CABCOCO1: variants seen among roughly 807,000 people sequenced by gnomAD.
The protein encoded by CABCOCO1 is ciliary associated calcium binding coiled-coil 1.
In CABCOCO1, 28 loss-of-function variants were observed where a neutral mutation model predicts 35.7. The observed-to-expected ratio is 0.78, with a 90% confidence interval of 0.58 to 1.07. The LOEUF (loss-of-function observed/expected upper bound fraction) is 1.07. CABCOCO1 is among the 50% of genes least tolerant of loss of function. The probability of loss-of-function intolerance (pLI) is 0.00; values close to 1 mark genes in which losing one functional copy is unlikely to be tolerated. For missense variants in CABCOCO1, 326 were observed against 309.2 expected (o/e 1.05, Z -0.41); for synonymous variants, 95 against 100.1 (o/e 0.95, Z 0.30).
chr10:61,683,165 A>G (rs1435576183), intron 3 of CABCOCO1, among the ~76,000 whole-genome samples: 2 of 152,150 alleles, frequency 1.3e-5, no homozygotes, highest in Admixed American at 6.5e-5. Flanking sequence ...TGCTAGGATT[A>G]CAGGCATTAG....
intron 5 of CABCOCO1, among the ~76,000 whole-genome samples, chr10:61,751,634 A>G (rs1163837250): frequency 2.0e-5 from 3 of 151,650 alleles, no homozygotes; most frequent in Non-Finnish European, 4.4e-5. Context: ...ATTCTTCTAC[A>G]TCGTGACTGA....
chr10:61,761,044 G>T lies in CABCOCO1; in HGVS notation c.816+41G>T, dbSNP rs775604090. 3.1e-6 allele frequency: 5 copies of T among 1,596,054 alleles called. 1 individual carries two copies. In the South Asian group the frequency reaches 4.5e-5, roughly 14 times the overall value. On this transcript the variant is annotated intron_variant, in intron 7 of 7. Transcript: ENST00000648843. ...AGTATGCTCACTTACTTTATTACTG[G>T]TTAATTAGCCAACCTTAACTTTAAT...
intron 5 of CABCOCO1, among the ~76,000 whole-genome samples, chr10:61,722,938 T>C (rs1168715452): frequency 6.6e-6 from 1 of 152,224 alleles, no homozygotes; most frequent in African/African-American, 2.4e-5. Flanking sequence ...CTTCAAATAA[T>C]TGATAATTGA....
At chr10:61,752,993 C>T (rs1841822479) in intron 5 of CABCOCO1, among the ~76,000 whole-genome samples, 1 of 152,088 alleles carries the variant, frequency 6.6e-6, no homozygotes, top group South Asian at 2.1e-4. Context: ...AAGAAAGACT[C>T]GAACCAAGGA....
At chr10:61,667,368 A>C (rs1184921234) in intron 1 of CABCOCO1, among the ~76,000 whole-genome samples, 1 of 151,034 alleles carries the variant, frequency 6.6e-6, no homozygotes, top group African/African-American at 2.4e-5. Context: ...TCATCTTTAA[A>C]ATCTATTTTG....
chr10:61,749,736 G>C (rs71507191), intron 5 of CABCOCO1, among the ~76,000 whole-genome samples: 2,376 of 152,306 alleles, frequency 0.016, 40 homozygotes, highest in East Asian at 0.047. Context: ...AGGTGCGTGG[G>C]TTTCAGAGTC....
At chr10:61,666,315 A>G (rs1438541861) in intron 1 of CABCOCO1, among the ~76,000 whole-genome samples, 1 of 152,250 alleles carries the variant, frequency 6.6e-6, no homozygotes, top group African/African-American at 2.4e-5. Context: ...TCTCGAAATT[A>G]TGAATAATTC....
At chr10:61,667,095 A>G (rs1401237576) in intron 1 of CABCOCO1, among the ~76,000 whole-genome samples, 1 of 143,620 alleles carries the variant, frequency 7.0e-6, no homozygotes, top group Admixed American at 7.1e-5. Flanking sequence ...TAAATTTCAT[A>G]TAGTATATAT....
intron 5 of CABCOCO1, 42 bp from the exon 6 acceptor site, chr10:61,760,017 A>C (rs1381340949): frequency 6.2e-7 from 1 of 1,609,512 alleles, no homozygotes; most frequent in Admixed American, 1.7e-5. Context: ...GTGGTTGCTC[A>C]CCAAAGGCTC....
chr10:61,683,431 C>A (rs1328331171), intron 3 of CABCOCO1, among the ~76,000 whole-genome samples: 1 of 151,936 alleles, frequency 6.6e-6, no homozygotes, highest in Non-Finnish European at 1.5e-5. Context: ...TATGGTGGCC[C>A]ACATCTGTGG....
intron 7 of CABCOCO1, among the ~76,000 whole-genome samples, chr10:61,764,789 T>C (rs990254389): frequency 2.6e-5 from 4 of 151,964 alleles, no homozygotes; most frequent in Non-Finnish European, 2.9e-5. Context: ...CAGAAAAGAC[T>C]GATACTTATG....
At chr10:61,746,858 A>T (rs1270272582) in intron 5 of CABCOCO1, among the ~76,000 whole-genome samples, 1 of 152,198 alleles carries the variant, frequency 6.6e-6, no homozygotes, top group Non-Finnish European at 1.5e-5. Flanking sequence ...TGCAAACAAA[A>T]AAAAACCATA....
At chr10:61,685,938 A>C in intron 3 of CABCOCO1, 103 bp from the exon 4 acceptor site, 5 of 977,084 alleles carry the variant, frequency 5.1e-6, no homozygotes, top group Non-Finnish European at 6.0e-6. Context: ...CCTCACAAAT[A>C]CTTAACAAAG....
At chr10:61,739,171 T>A (rs7090270) in intron 5 of CABCOCO1, among the ~76,000 whole-genome samples, 106,212 of 152,074 alleles carry the variant, frequency 0.7, 38,057 homozygotes, top group Middle Eastern at 0.89. Context: ...CTAGATGCAT[T>A]GGAGAGAAAT....
At chr10:61,748,624 G>A (rs1841715938) in intron 5 of CABCOCO1, among the ~76,000 whole-genome samples, 1 of 152,208 alleles carries the variant, frequency 6.6e-6, no homozygotes, top group Non-Finnish European at 1.5e-5. Context: ...TTATGCCTTT[G>A]ACTAGTGACA....
intron 7 of CABCOCO1, among the ~76,000 whole-genome samples, chr10:61,765,234 G>A (rs111884126): frequency 1.3e-5 from 2 of 152,080 alleles, no homozygotes; most frequent in African/African-American, 2.4e-5. Flanking sequence ...TTGTGAAAAA[G>A]GGAAGACATT....
At chr10:61,708,819 A>G (rs1589133961) in intron 5 of CABCOCO1, among the ~76,000 whole-genome samples, 1 of 152,258 alleles carries the variant, frequency 6.6e-6, no homozygotes, top group Admixed American at 6.6e-5. Flanking sequence ...TAACAGTTTA[A>G]ATACCTACAA....
chr10:61,674,358 AC>A (rs1839446904), intron 2 of CABCOCO1, among the ~76,000 whole-genome samples: 1 of 152,158 alleles, frequency 6.6e-6, no homozygotes, highest in Non-Finnish European at 1.5e-5. Context: ...ACCTTTTTAG[AC>A]TGTCTCATTA....
At chr10:61,763,328 A>C (rs1468993257) in intron 7 of CABCOCO1, among the ~76,000 whole-genome samples, 1 of 152,054 alleles carries the variant, frequency 6.6e-6, no homozygotes, top group African/African-American at 2.4e-5. Context: ...TTTTATGTTA[A>C]TTCACTTATT....
Sources: gnomAD v4.1 joint callset for allele counts (sites outside exome capture counted in the v4.1 genomes callset) on GRCh38, gnomAD v4.1.1 for gene constraint, MANE v1.5 for transcripts, NCBI Gene and HGNC (gene_info 2026-07-23, HGNC 2026-07-21) for gene names.